Variants in FHOD3 observed in about 807,000 individuals in gnomAD.
FHOD3 encodes the protein formin homology 2 domain containing 3.
A neutral mutation model predicts 173.0 loss-of-function variants in FHOD3; 90 were observed. The observed-to-expected ratio is 0.52, with a 90% confidence interval of 0.44 to 0.62. The LOEUF is 0.62. FHOD3 is among the 20% of genes least tolerant of loss of function. The probability of loss-of-function intolerance (pLI) is 0.00; values close to 1 mark genes in which losing one functional copy is unlikely to be tolerated. For synonymous variants in FHOD3, 828 were observed against 823.0 expected, an observed-to-expected ratio of 1.01 and a Z score of -0.10; for missense variants, 1,945 against 2,034.7, an observed-to-expected ratio of 0.96 and a Z score of 0.85.
chr18:36,523,495 A>G (rs1406293539), intron 5 of FHOD3, among the ~76,000 whole-genome samples: 2 of 152,238 alleles, frequency 1.3e-5, no homozygotes, highest in Admixed American at 1.3e-4. Flanking sequence ...AAAGAGCGCC[A>G]CAGCTGATTA....
At chr18:36,716,429 T>C (rs1320888346) in intron 18 of FHOD3, among the ~76,000 whole-genome samples, 2 of 152,240 alleles carry the variant, frequency 1.3e-5, no homozygotes, top group African/African-American at 2.4e-5. Context: ...ACGGATTAAG[T>C]TGCCGTAGCT....
At chr18:36,436,063 A>G (rs1389801711) in intron 3 of FHOD3, among the ~76,000 whole-genome samples, 1 of 152,216 alleles carries the variant, frequency 6.6e-6, no homozygotes, top group Non-Finnish European at 1.5e-5. Flanking sequence ...TAGTGCTGAT[A>G]TAAGAATTGT....
intron 19 of FHOD3, among the ~76,000 whole-genome samples, chr18:36,730,014 C>G (rs1410547263): frequency 6.6e-6 from 1 of 152,202 alleles, no homozygotes; most frequent in Non-Finnish European, 1.5e-5. Flanking sequence ...AGTGCATGCC[C>G]TTTCCTTTCT....
At chr18:36,403,701 G>T (rs547382553) in intron 3 of FHOD3, among the ~76,000 whole-genome samples, 1 of 152,334 alleles carries the variant, frequency 6.6e-6, no homozygotes, top group East Asian at 1.9e-4. Context: ...CTAGAGTCTG[G>T]CCAGCAACTA....
intron 15 of FHOD3, among the ~76,000 whole-genome samples, chr18:36,686,396 T>C (rs1428472184): frequency 6.6e-6 from 1 of 150,790 alleles, no homozygotes; most frequent in Non-Finnish European, 1.5e-5. Flanking sequence ...AAGTGGGAGC[T>C]GAACAGTGAG....
intron 15 of FHOD3, among the ~76,000 whole-genome samples, chr18:36,685,664 G>A (rs2038562616): frequency 1.3e-5 from 2 of 152,178 alleles, no homozygotes; most frequent in South Asian, 2.1e-4. Context: ...CTACACTGCT[G>A]TAGTCTAACT....
intron 1 of FHOD3, among the ~76,000 whole-genome samples, chr18:36,301,202 C>T (rs980045910): frequency 1.3e-5 from 2 of 152,198 alleles, no homozygotes; most frequent in Non-Finnish European, 2.9e-5. Flanking sequence ...TAGGGATTCT[C>T]CTGTGCTGGC....
chr18:36,401,694 T>C (rs1342656857), intron 3 of FHOD3, among the ~76,000 whole-genome samples: 1 of 152,146 alleles, frequency 6.6e-6, no homozygotes, highest in East Asian at 1.9e-4. Flanking sequence ...TTTGGGAGGA[T>C]TAGATGGAAT....
intron 9 of FHOD3, among the ~76,000 whole-genome samples, chr18:36,614,312 C>T (rs1422067096): frequency 1.3e-5 from 2 of 152,194 alleles, no homozygotes; most frequent in African/African-American, 2.4e-5. Flanking sequence ...GGTTCACCTA[C>T]GTTTGCAGAA....
At chr18:36,627,094 A>G (rs1327315304) in intron 10 of FHOD3, among the ~76,000 whole-genome samples, 1 of 152,212 alleles carries the variant, frequency 6.6e-6, no homozygotes, top group Non-Finnish European at 1.5e-5. Flanking sequence ...TAAACATATT[A>G]AGGAAAGAGA....
intron 17 of FHOD3, among the ~76,000 whole-genome samples, chr18:36,694,498 G>A (rs16968169): frequency 0.029 from 4,463 of 152,284 alleles, 224 homozygotes; most frequent in African/African-American, 0.1. Context: ...TCATGGATGA[G>A]TAATGTCGGT....
chr18:36,670,855 C>G (rs1246202786), intron 14 of FHOD3, among the ~76,000 whole-genome samples: 1 of 152,202 alleles, frequency 6.6e-6, no homozygotes, highest in Admixed American at 6.5e-5. Flanking sequence ...TTGATCCTTG[C>G]AGGTCTTGCA....
intron 3 of FHOD3, among the ~76,000 whole-genome samples, chr18:36,475,838 TGCA>T (rs2053544700): frequency 6.6e-6 from 1 of 151,608 alleles, no homozygotes; most frequent in African/African-American, 2.4e-5. Flanking sequence ...TTTTGTAAAT[TGCA>T]GCATTTTTTC....
At chr18:36,414,753 G>A (rs1318860647) in intron 3 of FHOD3, among the ~76,000 whole-genome samples, 3 of 152,178 alleles carry the variant, frequency 2.0e-5, no homozygotes, top group African/African-American at 7.2e-5. Context: ...GGACGTTTCA[G>A]GAGTTTTAAC....
At chr18:36,359,059 T>C (rs1403242341) in intron 2 of FHOD3, among the ~76,000 whole-genome samples, 1 of 152,248 alleles carries the variant, frequency 6.6e-6, no homozygotes, top group Non-Finnish European at 1.5e-5. Context: ...AGTTAAAATA[T>C]AATTGCTTCC....
chr18:36,361,173 A>G (rs1056929551), intron 2 of FHOD3, among the ~76,000 whole-genome samples: 2 of 151,992 alleles, frequency 1.3e-5, no homozygotes, highest in African/African-American at 2.4e-5. Context: ...TCATAGTGCT[A>G]TGCAAGGCTC....
chr18:36,612,254 C>T (rs1018442361), intron 9 of FHOD3, among the ~76,000 whole-genome samples, 159 bp downstream of exon 9: 1 of 152,210 alleles, frequency 6.6e-6, no homozygotes, highest in Non-Finnish European at 1.5e-5. Flanking sequence ...GAATCAGAAA[C>T]TCTGAGGGCC....
chr18:36,334,118 A>G (rs1348318752), intron 1 of FHOD3, among the ~76,000 whole-genome samples: 2 of 152,142 alleles, frequency 1.3e-5, no homozygotes, highest in Admixed American at 1.3e-4. Flanking sequence ...CTTGTTAGAA[A>G]CATAAAATCC....
chr18:36,653,896 G>A (rs2036234858), intron 13 of FHOD3, among the ~76,000 whole-genome samples: 1 of 152,180 alleles, frequency 6.6e-6, no homozygotes. Flanking sequence ...CCCTTGAGAG[G>A]TAGGTTCTAT....
Sources: allele counts gnomAD v4.1 joint callset (sites outside exome capture counted in the v4.1 genomes callset), GRCh38; gene constraint gnomAD v4.1.1; transcripts MANE v1.5; gene names NCBI Gene and HGNC (gene_info 2026-07-23, HGNC 2026-07-21).